Variants in KLHL29 observed in about 807,000 individuals in gnomAD.
KLHL29 encodes the protein kelch-like protein 29.
KLHL29 carries 21 observed loss-of-function variants against 80.4 expected under a neutral mutation model. That is an observed-to-expected ratio of 0.26 (90% CI 0.19 to 0.38). The LOEUF is 0.38. KLHL29 is among the 10% of genes least tolerant of loss of function. KLHL29 has a pLI of 1.00. For missense variants in KLHL29, 867 were observed against 1,223.9 expected (o/e 0.71, Z 4.35); for synonymous variants, 511 against 526.8 (o/e 0.97, Z 0.41).
intron 11 of KLHL29, among the ~76,000 whole-genome samples, chr2:23,699,680 G>A (rs1036621687): frequency 4.6e-5 from 7 of 152,112 alleles, no homozygotes; most frequent in Admixed American, 2.6e-4. Flanking sequence ...CAACCCAACC[G>A]TTTGCCTTCT....
At position 23,385,322 on chromosome 2, in the gene KLHL29, CCGCAGCCCCGGCGGTCGCCGCGCTTGAG is replaced by C. The variant is rs1333875834; in HGVS notation, c.-602_-575del. ...CCGGCCCCGGCTCCGCAGCGCCCGT[CCGCAGCCCCGGCGGTCGCCGCGCTTGAG>C]CGCAGCCCCCGCCCGGAGCCCGAGC... On this transcript the variant is annotated 5_prime_UTR_variant, in exon 1 of 14. It removes the in-frame stop codon of an upstream open reading frame in the 5' UTR. Transcript: ENST00000486442. 4.1e-5 allele frequency: 6 copies of C among 146,422 alleles called. No homozygotes were observed. The highest frequency in any genetic ancestry group is 6.1e-5 in the Non-Finnish European group (4 of 65,542). The allele number at this position is 146,422 out of a possible 1,614,324, so 9.1% of individuals were successfully genotyped here.
intron 2 of KLHL29, among the ~76,000 whole-genome samples, chr2:23,492,739 A>G (rs1665139980): frequency 6.6e-6 from 1 of 152,176 alleles, no homozygotes. Context: ...TTGGGAAGGA[A>G]GGAAAAAGAG....
intron 2 of KLHL29, among the ~76,000 whole-genome samples, chr2:23,549,880 T>G (rs916925071): frequency 6.6e-6 from 1 of 152,224 alleles, no homozygotes; most frequent in Non-Finnish European, 1.5e-5. Context: ...CTGCCATCCT[T>G]GGCTGTGCTG....
At chr2:23,580,937 C>A (rs1667965611) in intron 3 of KLHL29, among the ~76,000 whole-genome samples, 1 of 152,100 alleles carries the variant, frequency 6.6e-6, no homozygotes, top group South Asian at 2.1e-4. Flanking sequence ...GAGATCACGC[C>A]ACTGCACTCC....
chr2:23,403,192 G>T (rs1164066042), intron 1 of KLHL29, among the ~76,000 whole-genome samples: 1 of 152,090 alleles, frequency 6.6e-6, no homozygotes, highest in Non-Finnish European at 1.5e-5. Flanking sequence ...CAAGGCAAAA[G>T]AATTAACTAT....
At chr2:23,463,972 A>T (rs926141525) in intron 1 of KLHL29, among the ~76,000 whole-genome samples, 4 of 152,166 alleles carry the variant, frequency 2.6e-5, no homozygotes, top group Non-Finnish European at 5.9e-5. Context: ...CACACTATGT[A>T]TTGTGCTGTT....
intron 3 of KLHL29, among the ~76,000 whole-genome samples, chr2:23,615,106 C>T (rs892161732): frequency 6.6e-6 from 1 of 152,234 alleles, no homozygotes; most frequent in African/African-American, 2.4e-5. Context: ...GTTGCCCTTT[C>T]AGGAAAGACA....
intron 3 of KLHL29, among the ~76,000 whole-genome samples, chr2:23,602,928 C>A (rs1408835289): frequency 6.6e-6 from 1 of 152,196 alleles, no homozygotes; most frequent in Non-Finnish European, 1.5e-5. Flanking sequence ...CCAGCTTGGA[C>A]TTGCCAGCAA....
At chr2:23,458,852 G>A (rs1664134477) in intron 1 of KLHL29, among the ~76,000 whole-genome samples, 1 of 152,220 alleles carries the variant, frequency 6.6e-6, no homozygotes, top group Non-Finnish European at 1.5e-5. Flanking sequence ...GCATGGTCTT[G>A]GAGCCATGCT....
intron 2 of KLHL29, among the ~76,000 whole-genome samples, chr2:23,505,347 G>GC (rs1406095916): frequency 1.3e-5 from 2 of 152,230 alleles, no homozygotes; most frequent in East Asian, 3.9e-4. Context: ...CGAGGCATGT[G>GC]CTCAGAGGCT....
At chr2:23,431,109 T>A (rs1208345768) in intron 1 of KLHL29, among the ~76,000 whole-genome samples, 1 of 152,184 alleles carries the variant, frequency 6.6e-6, no homozygotes, top group Non-Finnish European at 1.5e-5. Context: ...CTCTAGCACC[T>A]GTGTAGAAGC....
At chr2:23,439,952 G>C (rs10208924) in intron 1 of KLHL29, among the ~76,000 whole-genome samples, 65,221 of 148,592 alleles carry the variant, frequency 0.44, 15,112 homozygotes, top group African/African-American at 0.59. Flanking sequence ...GTCTAAGTCT[G>C]TTTGTAGGTC....
At chr2:23,512,251 G>T (rs1572367786) in intron 2 of KLHL29, among the ~76,000 whole-genome samples, 1 of 152,150 alleles carries the variant, frequency 6.6e-6, no homozygotes. Context: ...TTCAAGACCA[G>T]CCTGACGCAC....
rs1166355898 is a variant in KLHL29 at position 23,684,006 on chromosome 2, C to T, written c.941-393C>T. Among the ~76,000 whole-genome samples, 2 of 152,174 alleles carry T rather than the reference C, an allele frequency of 1.3e-5. No individual in the cohort carries two copies. Among genetic ancestry groups the T allele is most frequent in the African/African-American group, 4.8e-5 (2 of 41,432 alleles). On this transcript the variant is annotated intron_variant, in intron 5 of 13. Coordinates refer to ENST00000486442, the MANE Select transcript of KLHL29 (RefSeq NM_052920.2). This position sits in a 1 kb window ranked among gnomAD's most constrained non-coding sequence, Gnocchi z 4.4. Reference sequence around the variant, plus strand: ...ATGCTTGACTTGGTCTCCAATACATCGGCACCCATTGGCATTTGGAGAACT... The same window carrying T: ...ATGCTTGACTTGGTCTCCAATACATTGGCACCCATTGGCATTTGGAGAACT...
At chr2:23,577,678 G>T (rs1190670849) in intron 3 of KLHL29, among the ~76,000 whole-genome samples, 1 of 151,782 alleles carries the variant, frequency 6.6e-6, no homozygotes, top group Non-Finnish European at 1.5e-5. Flanking sequence ...AACCTGGGAG[G>T]CAGAGGTTGC....
intron 3 of KLHL29, among the ~76,000 whole-genome samples, chr2:23,598,239 A>T (rs1668477322): frequency 6.6e-6 from 1 of 152,190 alleles, no homozygotes; most frequent in East Asian, 1.9e-4. Flanking sequence ...GGCAGGTATT[A>T]TTATCCCCAT....
chr2:23,385,565 AGGC>A lies in KLHL29; in HGVS notation c.-357_-355del, dbSNP rs963893848. 1.2e-4 allele frequency: 20 copies of A among 170,958 alleles called. No homozygotes were observed. Among genetic ancestry groups the A allele is most frequent in the Admixed American group, 2.0e-4 (3 of 15,256 alleles). The allele number at this position is 170,958 out of a possible 1,614,324, so 10.6% of individuals were successfully genotyped here. On this transcript the variant is annotated 5_prime_UTR_variant, in exon 1 of 14. Coordinates refer to ENST00000486442, the MANE Select transcript of KLHL29 (RefSeq NM_052920.2). ...CGGGCATCCTCCCTGGGCTGCCGGG[AGGC>A]GGCGGCGGCGGAGGAGGAGGAGGAA...
At chr2:23,678,094 G>A (rs576372989) in intron 5 of KLHL29, among the ~76,000 whole-genome samples, 26 of 152,272 alleles carry the variant, frequency 1.7e-4, no homozygotes, top group East Asian at 9.6e-4. Context: ...CAGCCAGAAC[G>A]AGCCCATTAG....
chr2:23,461,404 T>C (rs1315041394), intron 1 of KLHL29, among the ~76,000 whole-genome samples: 1 of 152,204 alleles, frequency 6.6e-6, no homozygotes, highest in Non-Finnish European at 1.5e-5. Context: ...AATTCATGTT[T>C]CAACACTTTT....
Sources: allele counts gnomAD v4.1 joint callset (sites outside exome capture counted in the v4.1 genomes callset), GRCh38; gene constraint gnomAD v4.1.1; non-coding constraint Gnocchi (gnomAD v3.1); transcripts MANE v1.5; gene names NCBI Gene and HGNC (gene_info 2026-07-23, HGNC 2026-07-21).